GSE1: variants seen among roughly 807,000 people sequenced by gnomAD.
GSE1 encodes genetic suppressor element 1.
In GSE1, 32 loss-of-function variants were observed where a neutral mutation model predicts 112.6. The ratio of observed to expected loss-of-function variants is 0.28; its 90% confidence interval spans 0.21 to 0.38. The LOEUF (loss-of-function observed/expected upper bound fraction) is 0.38, where lower values mean the gene tolerates loss of function less well. GSE1 is among the 10% of genes least tolerant of loss of function. GSE1 has a pLI of 1.00. For synonymous variants in GSE1, 1,115 were observed against 735.6 expected, an observed-to-expected ratio of 1.52 and a Z score of -8.35; for missense variants, 2,348 against 1,699.2, an observed-to-expected ratio of 1.38 and a Z score of -6.71.
chr16:85,618,689 G>C (rs749188800), intron 1 of GSE1, among the ~76,000 whole-genome samples: 4 of 152,256 alleles, frequency 2.6e-5, no homozygotes, highest in Non-Finnish European at 2.9e-5. Flanking sequence ...ACAGGGTCTT[G>C]CTCTGCTGCC....
intron 1 of GSE1, chr16:85,556,399 G>C (rs2045212988): frequency 2.1e-6 from 2 of 964,298 alleles, no homozygotes; most frequent in South Asian, 9.6e-5. Context: ...GTCCCGCGCG[G>C]CGCCGGCGCG....
intron 1 of GSE1, among the ~76,000 whole-genome samples, chr16:85,325,460 T>A (rs951203295): frequency 6.6e-6 from 1 of 151,178 alleles, no homozygotes. Context: ...AAAAAAAATT[T>A]TTTTTTTTGA....
intron 2 of GSE1, among the ~76,000 whole-genome samples, chr16:85,425,603 G>C (rs940134175): frequency 1.3e-5 from 2 of 152,174 alleles, no homozygotes; most frequent in Non-Finnish European, 2.9e-5. Flanking sequence ...GCGCAGTAAA[G>C]GATGTTGTCA....
intron 1 of GSE1, among the ~76,000 whole-genome samples, chr16:85,275,375 C>G (rs1274258799): frequency 1.3e-5 from 2 of 152,192 alleles, no homozygotes; most frequent in African/African-American, 4.8e-5. Flanking sequence ...GGGGCGAAGG[C>G]TCTGTCGGGA....
intron 1 of GSE1, among the ~76,000 whole-genome samples, chr16:85,192,299 C>A (rs894141894): frequency 1.3e-5 from 2 of 152,216 alleles, no homozygotes. Context: ...GCTGTGCGTT[C>A]TTGGGTCTGT....
intron 1 of GSE1, among the ~76,000 whole-genome samples, chr16:85,275,369 C>T (rs1320349974): frequency 2.6e-5 from 4 of 152,160 alleles, no homozygotes; most frequent in Non-Finnish European, 4.4e-5. Context: ...CACCGAGGGG[C>T]GAAGGCTCTG....
At chr16:85,316,494 C>T (rs919355096) in intron 1 of GSE1, among the ~76,000 whole-genome samples, 2 of 152,192 alleles carry the variant, frequency 1.3e-5, no homozygotes, top group Non-Finnish European at 2.9e-5. Context: ...CCTCTCTGCC[C>T]GGTGAAGAGC....
At chr16:85,440,304 A>C (rs1481782322) in intron 2 of GSE1, among the ~76,000 whole-genome samples, 2 of 152,202 alleles carry the variant, frequency 1.3e-5, no homozygotes, top group Non-Finnish European at 2.9e-5. Context: ...TGCAGGCACA[A>C]CTTGCTCTAG....
chr16:85,464,950 G>A (rs555618038), intron 2 of GSE1, among the ~76,000 whole-genome samples: 1 of 152,322 alleles, frequency 6.6e-6, no homozygotes, highest in Admixed American at 6.5e-5. Flanking sequence ...TCAGGGGGAG[G>A]GCACTGGCTT....
intron 1 of GSE1, among the ~76,000 whole-genome samples, chr16:85,597,772 G>T (rs2047296366): frequency 1.3e-5 from 2 of 152,180 alleles, no homozygotes; most frequent in Middle Eastern, 3.2e-3. Flanking sequence ...CGCCTGGCTG[G>T]ATTCTTCAAT....
chr16:85,543,642 G>C (rs1350589871), intron 2 of GSE1, among the ~76,000 whole-genome samples: 1 of 152,172 alleles, frequency 6.6e-6, no homozygotes, highest in Non-Finnish European at 1.5e-5. Flanking sequence ...TGGAAGACCA[G>C]AGCACCCCAT....
intron 2 of GSE1, among the ~76,000 whole-genome samples, chr16:85,549,610 C>G (rs537975939): frequency 1.0e-3 from 157 of 152,338 alleles, no homozygotes; most frequent in African/African-American, 3.6e-3. Flanking sequence ...TGCCCTGTAG[C>G]TCCCACCAAG....
intron 1 of GSE1, among the ~76,000 whole-genome samples, chr16:85,301,934 G>A (rs557856172): frequency 1.4e-4 from 22 of 152,344 alleles, no homozygotes; most frequent in African/African-American, 5.1e-4. Flanking sequence ...GTGCAGACCA[G>A]CCTGAGCAGG....
chr16:85,259,575 G>A (rs1028857055), intron 1 of GSE1, among the ~76,000 whole-genome samples: 6 of 152,356 alleles, frequency 3.9e-5, no homozygotes, highest in African/African-American at 1.4e-4. Context: ...AGCTGCCCAG[G>A]GCTAGTGGGA....
intron 13 of GSE1, 55 bp from the exon 14 acceptor site, chr16:85,668,085 A>G: frequency 1.5e-6 from 2 of 1,377,534 alleles, no homozygotes; most frequent in South Asian, 1.4e-5. Flanking sequence ...CTTCTGAGAC[A>G]GCACCCTGTG....
rs910000318 is a variant in GSE1 at position 85,635,915 on chromosome 16, G to A, written c.226+1783G>A. Among the ~76,000 whole-genome samples, 5 of 151,324 alleles carry A rather than the reference G, an allele frequency of 3.3e-5. No homozygotes were observed. In the South Asian group the frequency reaches 6.3e-4, roughly 19 times the overall value. Reference sequence around the variant, plus strand: ...GCCTTCCCTCCCTGGGCCCAGCAGCGGCCGTGGGCGTCACAGCAGGAGCCT... The same window carrying A: ...GCCTTCCCTCCCTGGGCCCAGCAGCAGCCGTGGGCGTCACAGCAGGAGCCT... On this transcript the variant is annotated intron_variant, in intron 2 of 15. Coordinates refer to ENST00000253458, the MANE Select transcript of GSE1 (RefSeq NM_014615.5).
chr16:85,459,051 C>A (rs552364699), intron 2 of GSE1, among the ~76,000 whole-genome samples: 139 of 152,324 alleles, frequency 9.1e-4, no homozygotes, highest in Non-Finnish European at 1.3e-3. Flanking sequence ...TTGGCAGGGA[C>A]TGAGACTTTC....
At chr16:85,171,362 C>G (rs2074356387) in exon 1 of GSE1, 1 of 985,518 alleles carries the variant, frequency 1.0e-6, no homozygotes, top group African/African-American at 1.7e-5. Flanking sequence ...GTGAACCCCG[C>G]CAGCCGCTTG....
At chr16:85,533,682 A>G (rs973080550) in intron 2 of GSE1, among the ~76,000 whole-genome samples, 4 of 152,116 alleles carry the variant, frequency 2.6e-5, no homozygotes, top group Non-Finnish European at 5.9e-5. Context: ...TGGGCAACAT[A>G]GAGGGACCCC....
Sources: gnomAD v4.1 joint callset for allele counts (sites outside exome capture counted in the v4.1 genomes callset) on GRCh38, gnomAD v4.1.1 for gene constraint, MANE v1.5 for transcripts, NCBI Gene and HGNC (gene_info 2026-07-23, HGNC 2026-07-21) for gene names.